The following CCDC186 variants were observed in gnomAD, a reference collection of about 807,000 sequenced individuals.
The protein encoded by CCDC186 is coiled-coil domain containing 186, also known as coiled-coil domain-containing protein 186.
In CCDC186, 49 loss-of-function variants were observed where a neutral mutation model predicts 113.7. That is an observed-to-expected ratio of 0.43 (90% CI 0.34 to 0.55). The LOEUF (loss-of-function observed/expected upper bound fraction) is 0.55. CCDC186 is among the 20% of genes least tolerant of loss of function. The pLI, the probability that CCDC186 is intolerant of heterozygous loss-of-function variation, is 0.02. For missense variants in CCDC186, 890 were observed against 1,011.1 expected (o/e 0.88, Z 1.62); for synonymous variants, 355 against 345.8 (o/e 1.03, Z -0.30).
chr10:114,137,360 G>T, intron 6 of CCDC186, 70 bp from the exon 7 acceptor site: 1 of 1,037,668 alleles, frequency 9.6e-7, no homozygotes, highest in Non-Finnish European at 1.5e-6. Context: ...TGACCGGCAA[G>T]TAGGAAGGTT....
chr10:114,162,563 C>T (rs2032204283), intron 2 of CCDC186, 74 bp downstream of exon 2: 2 of 1,130,036 alleles, frequency 1.8e-6, no homozygotes, highest in Non-Finnish European at 2.4e-6. Flanking sequence ...ATGGTATTTT[C>T]CTTTAAAGAA....
chr10:114,128,112 T>G (rs1308256051), intron 13 of CCDC186, among the ~76,000 whole-genome samples: 1 of 152,182 alleles, frequency 6.6e-6, no homozygotes, highest in Middle Eastern at 3.2e-3. Context: ...GACAAGGTAT[T>G]TAATTTTCTG....
chr10:114,137,664 A>G (rs959167179), intron 6 of CCDC186, among the ~76,000 whole-genome samples: 8 of 151,800 alleles, frequency 5.3e-5, no homozygotes, highest in African/African-American at 1.7e-4. Flanking sequence ...GCACTTTGGG[A>G]GGTGGAGGCG....
chr10:114,156,397 T>C (rs2032010805), intron 3 of CCDC186, among the ~76,000 whole-genome samples: 1 of 152,234 alleles, frequency 6.6e-6, no homozygotes, highest in Non-Finnish European at 1.5e-5. Context: ...ATACTCACTT[T>C]GTTGATTCAT....
In CCDC186 at chr10:114,162,736, T is replaced by C. The variant is rs143591180; in HGVS notation, c.533A>G (p.His178Arg). The C allele has an allele frequency of 3.9e-3, 6,362 of 1,614,000 alleles. 17 individuals are homozygous for C. Among genetic ancestry groups the C allele is most frequent in the Admixed American group, 6.7e-3 (405 of 60,010 alleles). Residue 178 changes from histidine (H) to arginine (R), a missense_variant, in exon 2 of 16, where the codon CAT (histidine) becomes CGT (arginine). By Grantham distance (29) the His-to-Arg change is conservative (BLOSUM62 0). Coordinates refer to ENST00000369287, the MANE Select transcript of CCDC186 (RefSeq NM_018017.4). ...SELLSTEFAE[H>R]RVPNGMNKGE... Reference sequence around the variant, plus strand: ...CTTATTCATTCCATTTGGTACTCGATGTTCTGCAAACTCCGTAGATAAGAG... The same window carrying C: ...CTTATTCATTCCATTTGGTACTCGACGTTCTGCAAACTCCGTAGATAAGAG...
intron 5 of CCDC186, 45 bp downstream of exon 5, chr10:114,145,503 CA>C (rs1352467028): frequency 1.4e-6 from 2 of 1,451,468 alleles, no homozygotes; most frequent in East Asian, 2.4e-5. Flanking sequence ...GCAAAGAGAA[CA>C]AATTTCAAAT....
At chr10:114,138,310 TGG>T (rs1302101348) in intron 6 of CCDC186, among the ~76,000 whole-genome samples, 39 of 115,822 alleles carry the variant, frequency 3.4e-4, no homozygotes, top group African/African-American at 5.7e-4. Flanking sequence ...TTTTTTTTTT[TGG>T]AGACAGCGTC....
intron 10 of CCDC186, among the ~76,000 whole-genome samples, chr10:114,134,337 T>C (rs2031188537): frequency 1.3e-5 from 2 of 152,314 alleles, no homozygotes; most frequent in South Asian, 2.1e-4. Context: ...TTAGGTGCAT[T>C]AATATTTCCA....
At chr10:114,158,189 T>G (rs1455138939) in intron 2 of CCDC186, among the ~76,000 whole-genome samples, 1 of 152,236 alleles carries the variant, frequency 6.6e-6, no homozygotes, top group Non-Finnish European at 1.5e-5. Context: ...TGGCCCCAAG[T>G]GGCGATACTG....
intron 4 of CCDC186, among the ~76,000 whole-genome samples, chr10:114,150,627 TA>T (rs2031824617): frequency 6.6e-6 from 1 of 152,164 alleles, no homozygotes; most frequent in Non-Finnish European, 1.5e-5. Flanking sequence ...TATGTATTTA[TA>T]TATTGCTTTA....
chr10:114,153,768 A>G (rs1589624786), intron 3 of CCDC186, among the ~76,000 whole-genome samples: 1 of 150,558 alleles, frequency 6.6e-6, no homozygotes, highest in Admixed American at 6.6e-5. Context: ...TCTGGGTGAC[A>G]AGAGCGAAAT....
chr10:114,150,081 T>C (rs2031800424), intron 4 of CCDC186, among the ~76,000 whole-genome samples: 1 of 152,208 alleles, frequency 6.6e-6, no homozygotes, highest in African/African-American at 2.4e-5. Context: ...CTGAGGATAA[T>C]CTGTTTCCTA....
At chr10:114,161,297 G>T (rs2032160692) in intron 2 of CCDC186, among the ~76,000 whole-genome samples, 1 of 152,258 alleles carries the variant, frequency 6.6e-6, no homozygotes, top group Non-Finnish European at 1.5e-5. Context: ...TGCGCTTCAG[G>T]TAACTCATCT....
chr10:114,144,722 C>T, intron 5 of CCDC186, 106 bp from the exon 6 acceptor site: 1 of 988,016 alleles, frequency 1.0e-6, no homozygotes, highest in Non-Finnish European at 1.4e-6. Flanking sequence ...TAATCAAGGG[C>T]TGGCACACTA....
At chr10:114,165,140 A>G (rs1390717988) in intron 1 of CCDC186, among the ~76,000 whole-genome samples, 1 of 152,266 alleles carries the variant, frequency 6.6e-6, no homozygotes, top group Non-Finnish European at 1.5e-5. Flanking sequence ...CAACTAAGAC[A>G]GCCATTGGCC....
intron 10 of CCDC186, among the ~76,000 whole-genome samples, chr10:114,133,836 C>G (rs1001138237): frequency 1.3e-5 from 2 of 152,028 alleles, no homozygotes; most frequent in African/African-American, 4.8e-5. Flanking sequence ...AGAATGAATA[C>G]AGAAGATTAT....
intron 3 of CCDC186, among the ~76,000 whole-genome samples, chr10:114,155,671 A>G (rs2031990181): frequency 6.6e-6 from 1 of 152,154 alleles, no homozygotes; most frequent in Non-Finnish European, 1.5e-5. Context: ...GCGAAACCCC[A>G]TCTCAAAGAT....
chr10:114,170,139 T>C (rs1340485802), intron 1 of CCDC186, among the ~76,000 whole-genome samples: 2 of 152,204 alleles, frequency 1.3e-5, no homozygotes, highest in Non-Finnish European at 2.9e-5. Context: ...GAAAATGTTG[T>C]TTCACATGAT....
At chr10:114,160,496 T>C in intron 2 of CCDC186, among the ~76,000 whole-genome samples, 1 of 152,174 alleles carries the variant, frequency 6.6e-6, no homozygotes, top group East Asian at 1.9e-4. Context: ...TATTGTACAC[T>C]TGAAATTTGT....
Sources: gnomAD v4.1 joint callset for allele counts (sites outside exome capture counted in the v4.1 genomes callset) on GRCh38, gnomAD v4.1.1 for gene constraint, MANE v1.5 for transcripts, NCBI Gene and HGNC (gene_info 2026-07-23, HGNC 2026-07-21) for gene names.